SULF2: variants seen among roughly 807,000 people sequenced by gnomAD.
The protein encoded by SULF2 is sulfatase 2.
Under a neutral mutation model 107.7 loss-of-function variants are expected in SULF2, and 52 were observed. The ratio of observed to expected loss-of-function variants is 0.48; its 90% confidence interval spans 0.39 to 0.61. The LOEUF (loss-of-function observed/expected upper bound fraction) is 0.61. Ranked by LOEUF, SULF2 falls within the 20% of genes least tolerant of loss-of-function variation. The pLI is 0.00. For missense variants in SULF2, 993 were observed against 1,177.3 expected (o/e 0.84, Z 2.29); for synonymous variants, 460 against 464.3 (o/e 0.99, Z 0.12).
At chr20:47,777,756 G>C (rs182581914) in intron 1 of SULF2, among the ~76,000 whole-genome samples, 1 of 152,094 alleles carries the variant, frequency 6.6e-6, no homozygotes, top group Non-Finnish European at 1.5e-5. Context: ...TATCTGTCTC[G>C]AGAGCAGACC....
At chr20:47,691,328 G>A (rs1159530330) in intron 4 of SULF2, among the ~76,000 whole-genome samples, 3 of 152,198 alleles carry the variant, frequency 2.0e-5, no homozygotes, top group African/African-American at 7.2e-5. Context: ...TTTTAGCTGG[G>A]GCAGTCAGGG....
intron 3 of SULF2, among the ~76,000 whole-genome samples, chr20:47,720,667 C>T (rs1182671408): frequency 1.3e-5 from 2 of 151,176 alleles, no homozygotes; most frequent in Non-Finnish European, 2.9e-5. Flanking sequence ...TAGACTCAGG[C>T]TGCCAGCTGC....
chr20:47,769,785 T>TA (rs2090594385), intron 1 of SULF2, among the ~76,000 whole-genome samples: 1 of 151,652 alleles, frequency 6.6e-6, no homozygotes, highest in African/African-American at 2.4e-5. Flanking sequence ...GAGGTTGGAG[T>TA]GCTAGGGAGT....
chr20:47,726,359 C>G (rs1376468785), intron 3 of SULF2, among the ~76,000 whole-genome samples: 1 of 151,740 alleles, frequency 6.6e-6, no homozygotes, highest in African/African-American at 2.4e-5. Flanking sequence ...GCATGGACTA[C>G]CATGTCCAGC....
chr20:47,698,717 G>A (rs1000208591), intron 4 of SULF2, among the ~76,000 whole-genome samples: 1 of 151,998 alleles, frequency 6.6e-6, no homozygotes, highest in Admixed American at 6.6e-5. Context: ...AACTTCAAGA[G>A]CCTAGTCTGA....
chr20:47,730,710 AGTG>A (rs2089574714), intron 3 of SULF2, among the ~76,000 whole-genome samples: 1 of 152,048 alleles, frequency 6.6e-6, no homozygotes, highest in Non-Finnish European at 1.5e-5. Context: ...GGCTTCCCAG[AGTG>A]CTGGGATTAC....
At chr20:47,691,788 C>T (rs1468829906) in intron 4 of SULF2, among the ~76,000 whole-genome samples, 1 of 152,170 alleles carries the variant, frequency 6.6e-6, no homozygotes, top group East Asian at 1.9e-4. Flanking sequence ...AACTGACTTA[C>T]ATATTGGGCA....
At chr20:47,760,769 C>T (rs903678120) in intron 1 of SULF2, among the ~76,000 whole-genome samples, 21 of 152,334 alleles carry the variant, frequency 1.4e-4, no homozygotes, top group African/African-American at 4.8e-4. Flanking sequence ...TGGGGACACA[C>T]TCGATGCAGT....
At chr20:47,693,444 G>T (rs986453423) in intron 4 of SULF2, among the ~76,000 whole-genome samples, 1 of 152,180 alleles carries the variant, frequency 6.6e-6, no homozygotes, top group Non-Finnish European at 1.5e-5. Flanking sequence ...TGCCTGTTTG[G>T]CCGTGGTTAA....
intron 1 of SULF2, among the ~76,000 whole-genome samples, chr20:47,778,196 G>A (rs549163086): frequency 1.3e-5 from 2 of 152,278 alleles, no homozygotes; most frequent in East Asian, 3.9e-4. Context: ...TCACCCGCTG[G>A]GGTCCTGACC....
At chr20:47,667,865 G>A (rs866337677) in intron 11 of SULF2, among the ~76,000 whole-genome samples, 1 of 152,148 alleles carries the variant, frequency 6.6e-6, no homozygotes, top group Non-Finnish European at 1.5e-5. Flanking sequence ...CCCTTCTCAC[G>A]TGGCCCGGGT....
rs1568783613 is a variant in SULF2 at position 47,665,970 on chromosome 20, A to AT, written c.1806-18dup. ...ATGTAGCACCTGCTTGAGAGAAGGG[A>AT]TCACGTGTGGCTCGGAGGTGGTGGA... On this transcript the variant is annotated splice_polypyrimidine_tract_variant and intron_variant, in intron 12 of 20. Coordinates refer to ENST00000688720, the MANE Select transcript of SULF2 (RefSeq NM_001387048.1). The AT allele has an allele frequency of 9.9e-6, 16 of 1,612,386 alleles. 1 individual carries two copies. In the South Asian group the frequency reaches 1.8e-4, roughly 18 times the overall value.
At chr20:47,716,335 T>G (rs186870812) in intron 3 of SULF2, among the ~76,000 whole-genome samples, 61 of 152,300 alleles carry the variant, frequency 4.0e-4, no homozygotes, top group Admixed American at 1.2e-3. Flanking sequence ...TGAAACCCTG[T>G]CTCTACTAAA....
At chr20:47,658,799 A>G (rs1391213065) in intron 20 of SULF2, among the ~76,000 whole-genome samples, 1 of 152,258 alleles carries the variant, frequency 6.6e-6, no homozygotes, top group Non-Finnish European at 1.5e-5. Flanking sequence ...ATTTGCCCAC[A>G]TGGTTAACTT....
In SULF2 at chr20:47,678,267, A is replaced by C. The variant is rs1352890245; in HGVS notation, c.1193+409T>G. On this transcript the variant is annotated intron_variant, in intron 8 of 20. Coordinates refer to ENST00000688720, the MANE Select transcript of SULF2 (RefSeq NM_001387048.1). The surrounding 1 kb of genome is among the most constrained non-coding windows in gnomAD (Gnocchi z 4.5). ...TCAATCGCTTTGGGATTCAGATTCCAAACTGGTAAAATGGGGATGATGATA... is the reference window on the plus strand; with the variant it reads ...TCAATCGCTTTGGGATTCAGATTCCCAACTGGTAAAATGGGGATGATGATA... 6.2e-6 allele frequency: 1 copy of C among 160,750 alleles called. No homozygotes were observed. Among genetic ancestry groups the C allele is most frequent in the Non-Finnish European group, 1.4e-5 (1 of 73,508 alleles). 10.0% of individuals were successfully genotyped at this position (160,750 alleles called of 1,614,324 possible).
chr20:47,717,355 A>T (rs1040163603), intron 3 of SULF2, among the ~76,000 whole-genome samples: 16 of 152,142 alleles, frequency 1.1e-4, no homozygotes, highest in African/African-American at 3.6e-4. Context: ...TCAGAGCTGA[A>T]ATGAGGCTCA....
chr20:47,683,916 C>T (rs1271469710), intron 6 of SULF2, among the ~76,000 whole-genome samples: 3 of 152,198 alleles, frequency 2.0e-5, no homozygotes, highest in Non-Finnish European at 4.4e-5. Context: ...GTGTACGATT[C>T]CATTTATAGG....
chr20:47,736,073 A>T (rs2089722617), intron 3 of SULF2, among the ~76,000 whole-genome samples: 1 of 152,188 alleles, frequency 6.6e-6, no homozygotes, highest in South Asian at 2.1e-4. Context: ...CAGGTAAGTG[A>T]CTATACTGTA....
intron 2 of SULF2, among the ~76,000 whole-genome samples, chr20:47,753,934 G>A (rs748536767): frequency 3.9e-5 from 6 of 152,176 alleles, no homozygotes; most frequent in Non-Finnish European, 5.9e-5. Context: ...GCAAAAGTCC[G>A]TTGGTCTCAG....
Sources: gnomAD v4.1 joint callset for allele counts (sites outside exome capture counted in the v4.1 genomes callset) on GRCh38, gnomAD v4.1.1 for gene constraint, Gnocchi (gnomAD v3.1) non-coding constraint, MANE v1.5 for transcripts, NCBI Gene and HGNC (gene_info 2026-07-23, HGNC 2026-07-21) for gene names.